ZNF292: variants seen among roughly 807,000 people sequenced by gnomAD.
ZNF292 encodes 16 zinc-finger domain protein.
Under a neutral mutation model 217.9 loss-of-function variants are expected in ZNF292, and 26 were observed. The observed-to-expected ratio is 0.12, with a 90% CI of 0.09 to 0.17. ZNF292 has a LOEUF of 0.17. ZNF292 is among the 10% of genes least tolerant of loss of function. The pLI is 1.00. For missense variants in ZNF292, 2,904 were observed against 3,175.2 expected, an observed-to-expected ratio of 0.91 and a Z score of 2.05; for synonymous variants, 1,257 against 1,124.1, an observed-to-expected ratio of 1.12 and a Z score of -2.37.
At chr6:87,212,793 T>C (rs1473821881) in intron 1 of ZNF292, among the ~76,000 whole-genome samples, 5 of 152,230 alleles carry the variant, frequency 3.3e-5, no homozygotes, top group African/African-American at 1.2e-4. Flanking sequence ...TGCAAGAGAA[T>C]GTTTTCATTT....
chr6:87,246,727 A>T (rs1774607014), intron 7 of ZNF292, among the ~76,000 whole-genome samples: 1 of 152,020 alleles, frequency 6.6e-6, no homozygotes, highest in Non-Finnish European at 1.5e-5. Context: ...AGTTAGCCAG[A>T]ATTGATGGCG....
Position 87,258,269 on chromosome 6 carries a change from T to C in ZNF292, c.4640T>C (p.Leu1547Pro). 6.2e-7 allele frequency: 1 copy of C among 1,613,358 alleles called. No homozygotes were observed. Among genetic ancestry groups the C allele is most frequent in the Non-Finnish European group, 8.5e-7 (1 of 1,179,662 alleles). Residue 1547 changes from leucine to proline, a missense_variant, in exon 8 of 8, where the codon CTG (leucine) becomes CCG (proline). Coordinates refer to ENST00000369577, the MANE Select transcript of ZNF292 (RefSeq NM_015021.3). ...LHTVCHPNTL[L>P]TNQNRTSNSK... ...ACTGTATGCCATCCAAACACCTTGC[T>C]GACCAACCAGAATAGGACGTCAAAC...
At chr6:87,199,729 C>T (rs758121226) in intron 1 of ZNF292, among the ~76,000 whole-genome samples, 1 of 152,160 alleles carries the variant, frequency 6.6e-6, no homozygotes, top group Non-Finnish European at 1.5e-5. Flanking sequence ...CCTATATTAA[C>T]ATTTGTTTCT....
intron 1 of ZNF292, among the ~76,000 whole-genome samples, chr6:87,210,042 C>T (rs1364741921): frequency 3.9e-5 from 6 of 152,142 alleles, no homozygotes; most frequent in Non-Finnish European, 8.8e-5. Flanking sequence ...TTAAATGTAA[C>T]ACCCCCGCGG....
At chr6:87,196,005 G>A (rs1771944200) in intron 1 of ZNF292, among the ~76,000 whole-genome samples, 1 of 149,414 alleles carries the variant, frequency 6.7e-6, no homozygotes, top group Non-Finnish European at 1.5e-5. Flanking sequence ...TCCAGCCTGG[G>A]CAGCAGAGTG....
intron 1 of ZNF292, among the ~76,000 whole-genome samples, chr6:87,171,056 T>G (rs1771079196): frequency 6.6e-6 from 1 of 152,200 alleles, no homozygotes. Flanking sequence ...TACCCATGAT[T>G]ATCACTTTTA....
chr6:87,166,609 G>C (rs1400014334), intron 1 of ZNF292, among the ~76,000 whole-genome samples: 2 of 152,186 alleles, frequency 1.3e-5, no homozygotes. Flanking sequence ...TCTCTGGTCT[G>C]CACTTGCTCT....
chr6:87,204,156 G>A (rs919302593), intron 1 of ZNF292, among the ~76,000 whole-genome samples: 1 of 152,194 alleles, frequency 6.6e-6, no homozygotes, highest in Non-Finnish European at 1.5e-5. Flanking sequence ...TGGTGCCAGG[G>A]TCCTGAAAGA....
intron 7 of ZNF292, among the ~76,000 whole-genome samples, chr6:87,249,691 T>C (rs922932279): frequency 5.9e-5 from 9 of 152,208 alleles, no homozygotes; most frequent in African/African-American, 1.7e-4. Flanking sequence ...CTCGATGTAG[T>C]GATTTGAATT....
chr6:87,247,384 ACTGT>A (rs1774659275), intron 7 of ZNF292, among the ~76,000 whole-genome samples: 1 of 152,108 alleles, frequency 6.6e-6, no homozygotes, highest in African/African-American at 2.4e-5. Context: ...GAAAAATAAT[ACTGT>A]CTAACACATA....
In ZNF292 at chr6:87,255,558, A is replaced by G. The variant is rs1341028297; in HGVS notation, c.1929A>G (p.Thr643=). 1 of 1,611,094 alleles carries G rather than the reference A, an allele frequency of 6.2e-7. No homozygotes were observed. The highest frequency in any genetic ancestry group is 8.5e-7 in the Non-Finnish European group (1 of 1,178,280). Residue 643 remains threonine, a synonymous_variant, in exon 8 of 8, where the codon ACA becomes ACG. Coordinates refer to ENST00000369577, the MANE Select transcript of ZNF292 (RefSeq NM_015021.3). The part of the protein sequence containing the change: ...RPIKKNSLYS[T]DFIVFNDNDG... ...TAAAAAAGAATAGTCTCTATTCAAC[A>G]GATTTTATAGTGTTTAATGACAATG...
intron 7 of ZNF292, among the ~76,000 whole-genome samples, chr6:87,246,716 A>C (rs185977346): frequency 4.4e-4 from 67 of 151,946 alleles, no homozygotes; most frequent in Admixed American, 2.2e-3. Context: ...GTAAGTACAA[A>C]AGTTAGCCAG....
At position 87,259,090 on chromosome 6, in the gene ZNF292, A is replaced by G. The variant is rs1775411891; in HGVS notation, c.5461A>G (p.Thr1821Ala). 4 of 1,613,268 alleles carry G rather than the reference A, an allele frequency of 2.5e-6. No homozygotes were observed. The highest frequency in any genetic ancestry group is 3.4e-6 in the Non-Finnish European group (4 of 1,179,610). The change falls in exon 8 of 8, where the codon ACA becomes GCA. Residue 1821 changes from threonine (T) to alanine (A), a missense_variant. By Grantham distance (58) the Thr-to-Ala change is moderately conservative (BLOSUM62 0). Transcript: ENST00000369577. ...TTCCTCCTTTATAAGTGTCATGCCA[A>G]CAAAAAGTAACATTCCTCAGTCTGA... ...PFSSFISVMPTKSNIPQSEVS... is the reference protein window; with the variant it reads ...PFSSFISVMPAKSNIPQSEVS...
chr6:87,169,495 A>G (rs1771029097), intron 1 of ZNF292, among the ~76,000 whole-genome samples: 1 of 152,202 alleles, frequency 6.6e-6, no homozygotes, highest in Admixed American at 6.5e-5. Context: ...TATATCAGCT[A>G]TTTCATATAA....
At chr6:87,211,744 A>G (rs561439051) in intron 1 of ZNF292, among the ~76,000 whole-genome samples, 2 of 152,250 alleles carry the variant, frequency 1.3e-5, no homozygotes, top group Non-Finnish European at 2.9e-5. Context: ...TTTTCTTACC[A>G]TATTTTTCTT....
At position 87,262,547 on chromosome 6, in the gene ZNF292, C is replaced by G. The variant is rs1432656644; in HGVS notation, c.*746C>G. 1 of 150,624 alleles carries G rather than the reference C, an allele frequency of 6.6e-6. No individual in the cohort carries two copies. The highest frequency in any genetic ancestry group is 1.5e-5 in the Non-Finnish European group (1 of 67,676). 9.3% of individuals were successfully genotyped at this position (150,624 alleles called of 1,614,324 possible). ...CATTGCTTCTAATTGGATATAGTTACTATGAGTCCATGAAATACAATGGAA... is the reference window on the plus strand; with the variant it reads ...CATTGCTTCTAATTGGATATAGTTAGTATGAGTCCATGAAATACAATGGAA... On this transcript the variant is annotated 3_prime_UTR_variant, in exon 8 of 8. Coordinates refer to ENST00000369577, the MANE Select transcript of ZNF292 (RefSeq NM_015021.3).
At chr6:87,207,772 C>T (rs1374107278) in intron 1 of ZNF292, among the ~76,000 whole-genome samples, 2 of 152,144 alleles carry the variant, frequency 1.3e-5, no homozygotes, top group Admixed American at 1.3e-4. Context: ...TAAGCTTATT[C>T]AAGCACATTA....
In ZNF292 at chr6:87,262,290, TTTAAA is replaced by T. The variant is rs1037312008; in HGVS notation, c.*494_*498del. On this transcript the variant is annotated 3_prime_UTR_variant, in exon 8 of 8. Coordinates refer to ENST00000369577, the MANE Select transcript of ZNF292 (RefSeq NM_015021.3). ...GTTTTTTAAATTGTTCTTTTATTGT[TTTAAA>T]TTAAGAACTTTTTGAACTAAAACCA... 2.0e-5 allele frequency: 3 copies of T among 152,100 alleles called. No individual in the cohort carries two copies. Among genetic ancestry groups the T allele is most frequent in the African/African-American group, 4.8e-5 (2 of 41,460 alleles). The allele number at this position is 152,100 out of a possible 1,614,324, so 9.4% of individuals were successfully genotyped here.
chr6:87,245,889 TTC>T (rs1774552764), intron 7 of ZNF292, among the ~76,000 whole-genome samples: 1 of 152,342 alleles, frequency 6.6e-6, no homozygotes, highest in African/African-American at 2.4e-5. Flanking sequence ...TATATCATTC[TTC>T]TGTTTTGGTT....
Sources: gnomAD v4.1 joint callset for allele counts (sites outside exome capture counted in the v4.1 genomes callset) on GRCh38, gnomAD v4.1.1 for gene constraint, MANE v1.5 for transcripts, NCBI Gene and HGNC (gene_info 2026-07-23, HGNC 2026-07-21) for gene names.